Variants in EPB41L4A observed in about 807,000 individuals in gnomAD.
EPB41L4A encodes the protein band 4.1-like protein 4A.
Under a neutral mutation model 108.6 loss-of-function variants are expected in EPB41L4A, and 100 were observed. The observed-to-expected ratio is 0.92, with a 90% CI of 0.78 to 1.09. The LOEUF is 1.09. Among genes scored for constraint, EPB41L4A ranks in the 50% least tolerant of loss-of-function variants. The pLI is 0.00. For synonymous variants in EPB41L4A, 319 were observed against 289.0 expected (o/e 1.10, Z -1.05); for missense variants, 1,030 against 842.7 (o/e 1.22, Z -2.75).
At chr5:112,178,162 T>C (rs7706160) in intron 18 of EPB41L4A, among the ~76,000 whole-genome samples, 102,541 of 151,976 alleles carry the variant, frequency 0.67, 35,427 homozygotes, top group East Asian at 0.99. Context: ...ACAGTAAACA[T>C]GAAGAAGGTA....
chr5:112,296,576 C>A (rs1030378841), intron 2 of EPB41L4A, among the ~76,000 whole-genome samples: 1 of 152,090 alleles, frequency 6.6e-6, no homozygotes, highest in Admixed American at 6.5e-5. Flanking sequence ...TTAAAAGATG[C>A]GCTTCCAATA....
chr5:112,338,590 A>G (rs1757069799), intron 1 of EPB41L4A, among the ~76,000 whole-genome samples: 1 of 140,442 alleles, frequency 7.1e-6, no homozygotes, highest in Non-Finnish European at 1.5e-5. Flanking sequence ...GCGTATATAA[A>G]AAAGAACACC....
chr5:112,384,198 G>C (rs910392133), intron 1 of EPB41L4A, among the ~76,000 whole-genome samples: 1 of 152,066 alleles, frequency 6.6e-6, no homozygotes, highest in Non-Finnish European at 1.5e-5. Context: ...TCAACTCCAT[G>C]AATATACCAA....
At chr5:112,387,344 G>T (rs1193968775) in intron 1 of EPB41L4A, among the ~76,000 whole-genome samples, 1 of 152,196 alleles carries the variant, frequency 6.6e-6, no homozygotes, top group Non-Finnish European at 1.5e-5. Flanking sequence ...TGCATGGAAT[G>T]GGTTGGGCAC....
chr5:112,352,235 T>C (rs989025817), intron 1 of EPB41L4A, among the ~76,000 whole-genome samples: 3 of 152,248 alleles, frequency 2.0e-5, no homozygotes, highest in Non-Finnish European at 4.4e-5. Context: ...GAAATATTTC[T>C]ACTTTTTTGA....
At chr5:112,315,094 C>T (rs1293877467) in intron 1 of EPB41L4A, among the ~76,000 whole-genome samples, 1 of 152,094 alleles carries the variant, frequency 6.6e-6, no homozygotes, top group Non-Finnish European at 1.5e-5. Flanking sequence ...AGGAGGTCTC[C>T]CTGGGATATC....
At position 112,191,792 on chromosome 5, in the gene EPB41L4A, C is replaced by T. The variant is rs371967899; in HGVS notation, c.1502+2776G>A. Among the ~76,000 whole-genome samples, 14 of 152,182 alleles carry T rather than the reference C, an allele frequency of 9.2e-5. No homozygotes were observed. In the East Asian group the frequency reaches 2.7e-3, roughly 29 times the overall value. ...GTCCGGAGTTCCAATGGATACATCA[C>T]GGGCTCCAAAAGAGGTTCTAAAAAG... On this transcript the variant is annotated intron_variant, in intron 17 of 22. Coordinates refer to ENST00000261486, the MANE Select transcript of EPB41L4A (RefSeq NM_022140.5).
At chr5:112,282,108 G>A (rs905355539) in intron 2 of EPB41L4A, among the ~76,000 whole-genome samples, 1 of 152,172 alleles carries the variant, frequency 6.6e-6, no homozygotes, top group South Asian at 2.1e-4. Flanking sequence ...TGAGGCAGAG[G>A]ATGTGTCAGT....
chr5:112,218,025 C>T (rs1246599830), intron 12 of EPB41L4A, among the ~76,000 whole-genome samples: 3 of 152,170 alleles, frequency 2.0e-5, no homozygotes, highest in Non-Finnish European at 4.4e-5. Context: ...CATAAAGGCA[C>T]TTCCTCCTCT....
chr5:112,249,540 T>C (rs1413172979), intron 9 of EPB41L4A: 1 of 152,176 alleles, frequency 6.6e-6, no homozygotes, highest in Non-Finnish European at 1.5e-5. Flanking sequence ...CATGATATCC[T>C]GGGCACAATA....
chr5:112,253,565 T>C lies in EPB41L4A; in HGVS notation c.795+5664A>G, dbSNP rs188907945. 4.1e-4 allele frequency among the ~76,000 whole-genome samples: 63 copies of C among 152,054 alleles called. No homozygotes were observed. In the East Asian group the frequency reaches 0.011, roughly 26 times the overall value. The stretch of plus-strand genomic sequence containing the variant: ...CTAGATGGTAAAAGTATTATATCAT[T>C]ATTAATGTATTAAGTTGTTAACCAT... On this transcript the variant is annotated intron_variant, in intron 9 of 22. Transcript: ENST00000261486.
At chr5:112,220,107 CAA>C (rs752485175) in intron 12 of EPB41L4A, among the ~76,000 whole-genome samples, 1 of 152,186 alleles carries the variant, frequency 6.6e-6, no homozygotes, top group African/African-American at 2.4e-5. Flanking sequence ...AGTTTAGCAA[CAA>C]GTCTATTCCT....
chr5:112,366,263 G>GC (rs56219014), intron 1 of EPB41L4A, among the ~76,000 whole-genome samples: 9,500 of 150,956 alleles, frequency 0.063, 322 homozygotes, highest in African/African-American at 0.075. Flanking sequence ...TGGTATACTT[G>GC]CCCATGTTTG....
intron 12 of EPB41L4A, among the ~76,000 whole-genome samples, chr5:112,212,912 T>C (rs1396618000): frequency 6.6e-6 from 1 of 152,184 alleles, no homozygotes; most frequent in Non-Finnish European, 1.5e-5. Context: ...ATCAATTACT[T>C]TAGGAAAAGT....
At chr5:112,204,884 GA>G (rs528921291) in intron 14 of EPB41L4A, among the ~76,000 whole-genome samples, 1 of 151,744 alleles carries the variant, frequency 6.6e-6, no homozygotes, top group Non-Finnish European at 1.5e-5. Context: ...CTATTAAACA[GA>G]AAAAAAATTG....
intron 1 of EPB41L4A, among the ~76,000 whole-genome samples, chr5:112,388,210 T>A (rs1208347675): frequency 1.3e-5 from 2 of 152,164 alleles, no homozygotes; most frequent in African/African-American, 4.8e-5. Context: ...TCTCCTCCCT[T>A]CCCATCATTT....
At chr5:112,253,405 T>C (rs1175728015) in intron 9 of EPB41L4A, among the ~76,000 whole-genome samples, 1 of 152,162 alleles carries the variant, frequency 6.6e-6, no homozygotes, top group Non-Finnish European at 1.5e-5. Flanking sequence ...TCTTTTAAAA[T>C]GTCAATTTTA....
At chr5:112,343,099 T>A (rs559961006) in intron 1 of EPB41L4A, among the ~76,000 whole-genome samples, 3 of 152,320 alleles carry the variant, frequency 2.0e-5, no homozygotes, top group African/African-American at 7.2e-5. Context: ...CAGTTGGCTT[T>A]ACAGAGAGGT....
At chr5:112,337,620 G>C (rs1261154350) in intron 1 of EPB41L4A, among the ~76,000 whole-genome samples, 1 of 152,034 alleles carries the variant, frequency 6.6e-6, no homozygotes, top group Non-Finnish European at 1.5e-5. Context: ...CATAACCCCC[G>C]AGTTCATATT....
Sources: gnomAD v4.1 joint callset for allele counts (sites outside exome capture counted in the v4.1 genomes callset) on GRCh38, gnomAD v4.1.1 for gene constraint, MANE v1.5 for transcripts, NCBI Gene and HGNC (gene_info 2026-07-23, HGNC 2026-07-21) for gene names.